Variants in SH3BP5 observed in about 807,000 individuals in gnomAD.
SH3BP5 encodes SH3 domain-binding protein 5.
SH3BP5 carries 22 observed loss-of-function variants against 43.3 expected under a neutral mutation model. That is an observed-to-expected ratio of 0.51 (90% CI 0.36 to 0.73). The LOEUF (loss-of-function observed/expected upper bound fraction) is 0.73. Among genes scored for constraint, SH3BP5 ranks in the 30% least tolerant of loss-of-function variants. SH3BP5 has a pLI of 0.00. For synonymous variants in SH3BP5, 255 were observed against 225.8 expected, an observed-to-expected ratio of 1.13 and a Z score of -1.16; for missense variants, 529 against 586.9, an observed-to-expected ratio of 0.90 and a Z score of 1.02.
At chr3:15,331,967 G>GC (rs1177763245) in intron 1 of SH3BP5, 1 of 314,652 alleles carries the variant, frequency 3.2e-6, no homozygotes, top group African/African-American at 2.2e-5. Flanking sequence ...TGGCGCCCCC[G>GC]CCCCCTTTTT....
upstream of SH3BP5, among the ~76,000 whole-genome samples, chr3:15,334,354 G>T (rs1368282230): frequency 1.3e-5 from 2 of 152,096 alleles, no homozygotes; most frequent in African/African-American, 2.4e-5. Flanking sequence ...AGCCTCTCAG[G>T]TTCCACATGT....
Position 15,259,070 on chromosome 3 carries a change from A to ACT in SH3BP5, c.670-22_670-21dup, listed in dbSNP as rs1696332280. 1.3e-6 allele frequency: 2 copies of ACT among 1,597,652 alleles called. No homozygotes were observed. Among genetic ancestry groups the ACT allele is most frequent in the African/African-American group, 2.7e-5 (2 of 74,610 alleles). ...CAGTTGCTGATCAAGAGAACAGGAG[A>ACT]CTAAGTGAAGACTACCCTGCTAGCC... On this transcript the variant is annotated intron_variant, in intron 6 of 8. Coordinates refer to ENST00000383791, the MANE Select transcript of SH3BP5 (RefSeq NM_004844.5).
intron 3 of SH3BP5, among the ~76,000 whole-genome samples, chr3:15,276,350 A>G (rs1203299324): frequency 6.6e-6 from 1 of 152,212 alleles, no homozygotes; most frequent in Non-Finnish European, 1.5e-5. Context: ...AGCCCAGAAT[A>G]GGTGATGTCA....
intron 4 of SH3BP5, 111 bp from the exon 5 acceptor site, chr3:15,262,400 G>T (rs1696480700): frequency 1.5e-6 from 2 of 1,349,094 alleles, no homozygotes; most frequent in Non-Finnish European, 2.0e-6. Flanking sequence ...GGTGACACAT[G>T]TGTAATCCCA....
chr3:15,332,062 T>A (rs1427133258), intron 1 of SH3BP5: 1 of 746,500 alleles, frequency 1.3e-6, no homozygotes, highest in African/African-American at 1.8e-5. Flanking sequence ...CTCCCCGCAA[T>A]AGAGTCAGGC....
intron 4 of SH3BP5, 100 bp downstream of exon 4, chr3:15,269,613 A>G: frequency 7.6e-7 from 1 of 1,313,242 alleles, no homozygotes; most frequent in South Asian, 1.5e-5. Context: ...GGGTGTTTTC[A>G]GGCAACATGC....
intron 2 of SH3BP5, among the ~76,000 whole-genome samples, chr3:15,326,894 C>T (rs149878772): frequency 2.4e-4 from 36 of 152,258 alleles, no homozygotes; most frequent in African/African-American, 8.4e-4. Context: ...GAGTTCAATG[C>T]TAATGAATCA....
intron 2 of SH3BP5, among the ~76,000 whole-genome samples, chr3:15,308,961 T>C (rs1459925266): frequency 3.3e-5 from 5 of 152,152 alleles, no homozygotes; most frequent in Admixed American, 3.3e-4. Context: ...ATAATCATAG[T>C]TTACTAGATG....
chr3:15,299,545 A>G (rs1697674775), intron 3 of SH3BP5, among the ~76,000 whole-genome samples: 1 of 140,292 alleles, frequency 7.1e-6, no homozygotes, highest in East Asian at 2.1e-4. Flanking sequence ...CCAGGCTGGA[A>G]TACAAGAGAG....
chr3:15,264,753 C>A (rs1159312576), intron 4 of SH3BP5, among the ~76,000 whole-genome samples: 2 of 152,064 alleles, frequency 1.3e-5, no homozygotes, highest in African/African-American at 4.8e-5. Flanking sequence ...CTAAAAATAT[C>A]TCATGCTTGA....
rs779648627 is a variant in SH3BP5, at chr3:15,258,890, C to T, written c.830G>A (p.Gly277Asp). ...GPRGCGVGAEGSSTSVEDLPG... is the reference protein window; with the variant it reads ...GPRGCGVGAEDSSTSVEDLPG... ...CAGATCCTCCACAGATGTGCTGCTG[C>T]CCTCAGCACCAACACCGCATCCCCG... is the stretch of plus-strand genomic sequence containing the variant. The change falls in exon 7 of 9, where the codon GGC becomes GAC. Residue 277 changes from glycine (G) to aspartate (D), a missense_variant. Around this residue, in one of 3 missense-constraint regions of SH3BP5, gnomAD observed 369 missense variants for 384.3 expected, o/e 0.96. Coordinates refer to ENST00000383791, the MANE Select transcript of SH3BP5 (RefSeq NM_004844.5). The T allele has an allele frequency of 5.6e-6, 9 of 1,614,240 alleles. No individual in the cohort carries two copies. In the South Asian group the frequency reaches 8.8e-5, roughly 16 times the overall value.
chr3:15,327,035 A>T (rs962497738), intron 2 of SH3BP5, among the ~76,000 whole-genome samples: 1 of 152,206 alleles, frequency 6.6e-6, no homozygotes, highest in African/African-American at 2.4e-5. Flanking sequence ...CGTATTCACT[A>T]ATTCAGTGTT....
At chr3:15,286,710 T>C (rs2125087942) in intron 3 of SH3BP5, among the ~76,000 whole-genome samples, 1 of 152,200 alleles carries the variant, frequency 6.6e-6, no homozygotes, top group East Asian at 1.9e-4. Context: ...CACACCAACA[T>C]GCCCAGTTAA....
chr3:15,332,678 G>T (rs1415667239), upstream of SH3BP5: 9 of 1,139,880 alleles, frequency 7.9e-6, no homozygotes, highest in African/African-American at 1.5e-4. Flanking sequence ...TCCGCCGCCA[G>T]TCCCAGCTAT....
chr3:15,270,713 G>A (rs1238742888), intron 3 of SH3BP5, among the ~76,000 whole-genome samples: 1 of 152,038 alleles, frequency 6.6e-6, no homozygotes, highest in Non-Finnish European at 1.5e-5. Flanking sequence ...ATCACTTGAG[G>A]TCAGGAATTA....
In SH3BP5 at chr3:15,254,524, A is replaced by G. The variant is rs992734217; in HGVS notation, c.*1562T>C. The G allele has an allele frequency of 1.3e-5, 2 of 152,068 alleles. No individual in the cohort carries two copies. Among genetic ancestry groups the G allele is most frequent in the African/African-American group, 4.8e-5 (2 of 41,344 alleles). 9.4% of individuals were successfully genotyped at this position (152,068 alleles called of 1,614,324 possible). ...CCAGTGTACCCCCCCCAGTTAATTA[A>G]TTAAATAATTCTCTGGGGATGAGAA... On this transcript the variant is annotated 3_prime_UTR_variant, in exon 9 of 9. Transcript: ENST00000383791.
chr3:15,268,006 C>T (rs533125227), intron 4 of SH3BP5, among the ~76,000 whole-genome samples: 3 of 152,316 alleles, frequency 2.0e-5, no homozygotes, highest in Admixed American at 6.5e-5. Flanking sequence ...TCATATCTAT[C>T]GGGCTTTGGC....
intron 8 of SH3BP5, 128 bp downstream of exon 8, chr3:15,256,725 G>A (rs1347777079): frequency 8.0e-6 from 9 of 1,120,396 alleles, no homozygotes. Context: ...AATACTGACA[G>A]CACAACCACA....
intron 1 of SH3BP5, among the ~76,000 whole-genome samples, chr3:15,337,756 A>T (rs994643738): frequency 1.3e-5 from 2 of 151,418 alleles, no homozygotes; most frequent in African/African-American, 4.9e-5. Context: ...TACCAAAAAA[A>T]AATTTTTAAT....
Sources: gnomAD v4.1 joint callset for allele counts (sites outside exome capture counted in the v4.1 genomes callset) on GRCh38, gnomAD v4.1.1 for gene constraint, gnomAD v4.1.1 regional missense constraint, MANE v1.5 for transcripts, NCBI Gene and HGNC (gene_info 2026-07-23, HGNC 2026-07-21) for gene names.